The following CPA6 variants were observed in gnomAD, a reference collection of about 807,000 sequenced individuals.
The protein encoded by CPA6 is carboxypeptidase B.
Under a neutral mutation model 63.3 loss-of-function variants are expected in CPA6, and 58 were observed. That is an observed-to-expected ratio of 0.92 (90% CI 0.74 to 1.14). The LOEUF is 1.14. Among genes scored for constraint, CPA6 ranks in the 50% most tolerant of loss-of-function variants. The probability of loss-of-function intolerance (pLI) is 0.00; values close to 1 mark genes in which losing one functional copy is unlikely to be tolerated. For synonymous variants in CPA6, 185 were observed against 179.0 expected (o/e 1.03, Z -0.27); for missense variants, 565 against 526.6 (o/e 1.07, Z -0.71).
intron 2 of CPA6, among the ~76,000 whole-genome samples, chr8:67,566,110 G>A (rs1159630781): frequency 1.3e-5 from 2 of 152,202 alleles, no homozygotes; most frequent in Non-Finnish European, 2.9e-5. Context: ...AAGTCTCAGA[G>A]GAGATAATAG....
Position 67,524,613 on chromosome 8 carries a change from C to CTTT in CPA6, c.193-6569_193-6567dup, listed in dbSNP as rs71554611. ...AGATTCTTAAGTACATTTGAAAAAACTTTTTTTGTTTTTTTGCAAATCAGG... is the reference window on the plus strand; with the variant it reads ...AGATTCTTAAGTACATTTGAAAAAACTTTTTTTTTTGTTTTTTTGCAAATCAGG... On this transcript the variant is annotated intron_variant, in intron 2 of 10. Transcript: ENST00000297770. 8.1e-3 allele frequency among the ~76,000 whole-genome samples: 1,206 copies of CTTT among 149,810 alleles called. 26 individuals carry two copies. Among genetic ancestry groups the CTTT allele is most frequent in the African/African-American group, 0.027 (1,079 of 40,194 alleles).
intron 8 of CPA6, among the ~76,000 whole-genome samples, chr8:67,466,609 T>C (rs1810931069): frequency 6.6e-6 from 1 of 152,224 alleles, no homozygotes; most frequent in Non-Finnish European, 1.5e-5. Context: ...CTATAAACTT[T>C]CCTCTTAACA....
intron 8 of CPA6, among the ~76,000 whole-genome samples, chr8:67,450,639 G>A (rs1425597706): frequency 6.6e-6 from 1 of 152,224 alleles, no homozygotes; most frequent in Non-Finnish European, 1.5e-5. Flanking sequence ...CCTTTCTGGA[G>A]TGGAAGGCAA....
intron 3 of CPA6, among the ~76,000 whole-genome samples, chr8:67,515,634 G>A (rs1812128666): frequency 6.6e-6 from 1 of 151,718 alleles, no homozygotes; most frequent in Admixed American, 6.6e-5. Context: ...CTCTTGGCCT[G>A]CCTTGATGTT....
chr8:67,562,504 C>G (rs7007331), intron 2 of CPA6, among the ~76,000 whole-genome samples: 63,628 of 151,948 alleles, frequency 0.42, 15,697 homozygotes, highest in Non-Finnish European at 0.55. Context: ...ACTCTGCATT[C>G]GTTTTGTGGT....
rs76593849 is a variant in CPA6 at position 67,529,820 on chromosome 8, A to G, written c.193-11773T>C. ...CCCAATGATCCAATCATACCCCAAG[A>G]AGTCCACTCTTTGACAAGTTCTAGC... On this transcript the variant is annotated intron_variant, in intron 2 of 10. Coordinates refer to ENST00000297770, the MANE Select transcript of CPA6 (RefSeq NM_020361.5). Among the ~76,000 whole-genome samples, 1,449 of 152,278 alleles carry G rather than the reference A, an allele frequency of 9.5e-3. 24 individuals are homozygous for G. Among genetic ancestry groups the G allele is most frequent in the African/African-American group, 0.033 (1,365 of 41,552 alleles).
At chr8:67,704,237 C>G (rs992889266) in intron 1 of CPA6, among the ~76,000 whole-genome samples, 4 of 152,162 alleles carry the variant, frequency 2.6e-5, no homozygotes, top group Non-Finnish European at 5.9e-5. Context: ...GGACAAGGAA[C>G]CCCAAATACA....
At chr8:67,435,542 G>A (rs898095637) in intron 8 of CPA6, among the ~76,000 whole-genome samples, 6 of 152,196 alleles carry the variant, frequency 3.9e-5, no homozygotes, top group African/African-American at 9.6e-5. Flanking sequence ...TTGGTGCCCC[G>A]CCCTTTGTTT....
At chr8:67,709,236 G>A (rs942496952) in intron 1 of CPA6, among the ~76,000 whole-genome samples, 1 of 152,160 alleles carries the variant, frequency 6.6e-6, no homozygotes, top group African/African-American at 2.4e-5. Flanking sequence ...GAAGAATCAG[G>A]GGAGAAGAAA....
chr8:67,650,138 C>CT (rs1252791047), intron 1 of CPA6, among the ~76,000 whole-genome samples: 1 of 152,040 alleles, frequency 6.6e-6, no homozygotes, highest in Non-Finnish European at 1.5e-5. Flanking sequence ...ATTGAACTTA[C>CT]TTTTCTTTTT....
chr8:67,646,745 G>A (rs762566601), intron 1 of CPA6, among the ~76,000 whole-genome samples: 5 of 152,134 alleles, frequency 3.3e-5, no homozygotes, highest in African/African-American at 4.8e-5. Context: ...ATGGTAAGGA[G>A]CCTGCAGGGG....
chr8:67,685,733 T>TA (rs2128996586), intron 1 of CPA6, among the ~76,000 whole-genome samples: 1 of 152,370 alleles, frequency 6.6e-6, no homozygotes, highest in East Asian at 1.9e-4. Context: ...AACTCTTAGC[T>TA]ATGTGTCTTC....
chr8:67,707,452 G>A (rs1382673669), intron 1 of CPA6, among the ~76,000 whole-genome samples: 1 of 152,120 alleles, frequency 6.6e-6, no homozygotes, highest in Non-Finnish European at 1.5e-5. Context: ...CTCTCTACCT[G>A]ATTTCTCTAA....
At chr8:67,669,469 G>A (rs565894792) in intron 1 of CPA6, among the ~76,000 whole-genome samples, 1 of 152,298 alleles carries the variant, frequency 6.6e-6, no homozygotes, top group African/African-American at 2.4e-5. Flanking sequence ...CATCCCACCA[G>A]CAAGAGGTAA....
chr8:67,493,684 A>T (rs1811651464), intron 6 of CPA6, among the ~76,000 whole-genome samples: 1 of 152,214 alleles, frequency 6.6e-6, no homozygotes, highest in South Asian at 2.1e-4. Context: ...CAATAATCAA[A>T]CTGGGCCTGG....
At chr8:67,685,567 C>T (rs1435724765) in intron 1 of CPA6, among the ~76,000 whole-genome samples, 1 of 152,070 alleles carries the variant, frequency 6.6e-6, no homozygotes, top group Non-Finnish European at 1.5e-5. Flanking sequence ...TGCAGTGAGC[C>T]GAGATGGCGC....
At chr8:67,433,272 G>T (rs1013161060) in intron 9 of CPA6, among the ~76,000 whole-genome samples, 1 of 152,140 alleles carries the variant, frequency 6.6e-6, no homozygotes, top group African/African-American at 2.4e-5. Context: ...CCAGAGGTAA[G>T]TACCACCTGA....
At chr8:67,665,033 TTTC>T (rs1157322369) in intron 1 of CPA6, among the ~76,000 whole-genome samples, 2 of 152,078 alleles carry the variant, frequency 1.3e-5, no homozygotes, top group Non-Finnish European at 2.9e-5. Flanking sequence ...CCAAGCAACT[TTTC>T]TTCTTACTTC....
chr8:67,681,200 CTT>C lies in CPA6; in HGVS notation c.117-56951_117-56950del, dbSNP rs1007305743. The stretch of plus-strand genomic sequence containing the variant: ...CTCAACCCAAGGTCACAAAGATTTT[CTT>C]TTTTTTTTTTTTTTTTTTGAGACGG... On this transcript the variant is annotated intron_variant, in intron 1 of 10. Transcript: ENST00000297770. 8.3e-3 allele frequency among the ~76,000 whole-genome samples: 745 copies of C among 89,842 alleles called. 12 individuals carry two copies. The highest frequency in any genetic ancestry group is 0.012 in the Non-Finnish European group (566 of 48,886). The allele number at this position is 89,842 out of a possible 152,430, so 58.9% of individuals were successfully genotyped here. A position where few individuals can be genotyped will look rare whatever the true frequency, so the allele number is the denominator to read the frequency against.
Sources: gnomAD v4.1 joint callset for allele counts (sites outside exome capture counted in the v4.1 genomes callset) on GRCh38, gnomAD v4.1.1 for gene constraint, MANE v1.5 for transcripts, NCBI Gene and HGNC (gene_info 2026-07-23, HGNC 2026-07-21) for gene names.